The following CCSER2 variants were observed in gnomAD, a reference collection of about 807,000 sequenced individuals.
The protein encoded by CCSER2 is coiled-coil serine rich protein 2.
In CCSER2, 46 loss-of-function variants were observed where a neutral mutation model predicts 92.3. That is an observed-to-expected ratio of 0.50 (90% CI 0.39 to 0.64). The LOEUF is 0.64. Among genes scored for constraint, CCSER2 ranks in the 30% least tolerant of loss-of-function variants. The probability of loss-of-function intolerance (pLI) is 0.00; values close to 1 mark genes in which losing one functional copy is unlikely to be tolerated. For synonymous variants in CCSER2, 433 were observed against 431.4 expected (o/e 1.00, Z -0.04); for missense variants, 1,244 against 1,238.9 (o/e 1.00, Z -0.06).
intron 8 of CCSER2, among the ~76,000 whole-genome samples, chr10:84,471,606 A>G (rs1589756193): frequency 6.6e-6 from 1 of 152,120 alleles, no homozygotes; most frequent in Non-Finnish European, 1.5e-5. Flanking sequence ...TACATTTCAG[A>G]TATTTGAGAG....
At chr10:84,431,648 G>T (rs558388471) in intron 5 of CCSER2, among the ~76,000 whole-genome samples, 121 of 152,026 alleles carry the variant, frequency 8.0e-4, no homozygotes, top group African/African-American at 2.8e-3. Context: ...AGGCTGAGGT[G>T]GGGGGATCAC....
chr10:84,384,347 C>A (rs1193455230), intron 3 of CCSER2, among the ~76,000 whole-genome samples: 5 of 152,128 alleles, frequency 3.3e-5, no homozygotes, highest in African/African-American at 9.7e-5. Flanking sequence ...TGGCCAGTAT[C>A]CTTGATGAAC....
chr10:84,420,928 A>G (rs1028675490), intron 4 of CCSER2, among the ~76,000 whole-genome samples: 10 of 149,878 alleles, frequency 6.7e-5, no homozygotes, highest in African/African-American at 2.2e-4. Flanking sequence ...GCGAGACTCC[A>G]TCTCAAAAAA....
chr10:84,459,786 A>G (rs1845991662), intron 6 of CCSER2, among the ~76,000 whole-genome samples: 1 of 152,136 alleles, frequency 6.6e-6, no homozygotes, highest in Non-Finnish European at 1.5e-5. Flanking sequence ...GGCCACCCAA[A>G]GTACTGGGGT....
intron 1 of CCSER2, among the ~76,000 whole-genome samples, chr10:84,331,130 A>G (rs1313706098): frequency 3.3e-5 from 5 of 152,252 alleles, no homozygotes; most frequent in Admixed American, 1.3e-4. Context: ...TTTTACGGTT[A>G]AACAACTCAG....
chr10:84,330,930 G>A (rs1843531467), intron 1 of CCSER2, among the ~76,000 whole-genome samples: 1 of 152,174 alleles, frequency 6.6e-6, no homozygotes, highest in South Asian at 2.1e-4. Flanking sequence ...GAAAGGGATG[G>A]CGGGGATTAC....
intron 5 of CCSER2, among the ~76,000 whole-genome samples, chr10:84,433,215 A>G (rs1843889064): frequency 6.6e-6 from 1 of 152,202 alleles, no homozygotes; most frequent in African/African-American, 2.4e-5. Context: ...GTTCTAATAA[A>G]GAATTTAGAA....
chr10:84,461,395 C>G (rs190818485), intron 6 of CCSER2, among the ~76,000 whole-genome samples: 1 of 152,234 alleles, frequency 6.6e-6, no homozygotes, highest in Admixed American at 6.5e-5. Flanking sequence ...TTTCTGCCCA[C>G]CCCTATCCTT....
chr10:84,426,552 A>G (rs1271950375), intron 5 of CCSER2, among the ~76,000 whole-genome samples: 2 of 152,210 alleles, frequency 1.3e-5, no homozygotes, highest in African/African-American at 4.8e-5. Context: ...TTTGAGAATC[A>G]GGGATAAAAG....
chr10:84,501,310 AGGCTTGT>A (rs1247726127), intron 9 of CCSER2, among the ~76,000 whole-genome samples: 1 of 152,218 alleles, frequency 6.6e-6, no homozygotes, highest in Non-Finnish European at 1.5e-5. Flanking sequence ...ATATGTTCTT[AGGCTTGT>A]GGCCAGTAAA....
chr10:84,352,608 C>T (rs545286419), intron 1 of CCSER2, among the ~76,000 whole-genome samples: 7 of 152,004 alleles, frequency 4.6e-5, no homozygotes, highest in African/African-American at 9.7e-5. Context: ...CCACCACTGC[C>T]GCCGCCACCA....
chr10:84,490,339 C>T (rs1170058329), intron 9 of CCSER2, among the ~76,000 whole-genome samples: 1 of 152,136 alleles, frequency 6.6e-6, no homozygotes, highest in Non-Finnish European at 1.5e-5. Context: ...GGGTGTTTTC[C>T]AACTTGGTTC....
intron 3 of CCSER2, among the ~76,000 whole-genome samples, chr10:84,388,848 G>T (rs1841366542): frequency 6.6e-6 from 1 of 152,172 alleles, no homozygotes. Context: ...TCTGACAGGA[G>T]GCAGAGCTCA....
chr10:84,480,869 A>G (rs1389830018), intron 9 of CCSER2, among the ~76,000 whole-genome samples: 1 of 152,208 alleles, frequency 6.6e-6, no homozygotes, highest in Non-Finnish European at 1.5e-5. Flanking sequence ...GGTAGTGGTG[A>G]TGGTGGTTGC....
intron 9 of CCSER2, among the ~76,000 whole-genome samples, chr10:84,487,933 A>C (rs934959313): frequency 6.6e-6 from 1 of 152,204 alleles, no homozygotes; most frequent in Non-Finnish European, 1.5e-5. Flanking sequence ...TAATTTATTG[A>C]GAGTTTTTAG....
chr10:84,419,613 A>T (rs910164939), intron 4 of CCSER2, among the ~76,000 whole-genome samples: 1 of 152,220 alleles, frequency 6.6e-6, no homozygotes, highest in Non-Finnish European at 1.5e-5. Flanking sequence ...TGTCTCACAG[A>T]GACAGAGAAT....
chr10:84,462,586 C>T (rs774210695), intron 6 of CCSER2, among the ~76,000 whole-genome samples: 29 of 152,168 alleles, frequency 1.9e-4, no homozygotes, highest in African/African-American at 5.3e-4. Flanking sequence ...AAATGTGTTC[C>T]GAGAATATTG....
Position 84,477,642 on chromosome 10 carries a change from A to C in CCSER2, c.2303A>C (p.Gln768Pro). The C allele has an allele frequency of 6.2e-7, 1 of 1,607,666 alleles. No homozygotes were observed. The highest frequency in any genetic ancestry group is 1.1e-5 in the South Asian group (1 of 90,766). Residue 768 changes from glutamine (Q) to proline (P), a missense_variant, in exon 9 of 10, where the codon CAA becomes CCA. Transcript: ENST00000372088. Reference sequence around the variant, plus strand: ...TGCACTTATGCTGATAAATATACCCAAACACCCTGGAGACGAATTCCTGTA... The same window carrying C: ...TGCACTTATGCTGATAAATATACCCCAACACCCTGGAGACGAATTCCTGTA... Reference protein sequence around the residue: ...EKCTYADKYTQTPWRRIPPQV... With the variant: ...EKCTYADKYTPTPWRRIPPQV...
intron 9 of CCSER2, among the ~76,000 whole-genome samples, chr10:84,499,517 G>A (rs1423233173): frequency 1.3e-5 from 2 of 152,086 alleles, no homozygotes; most frequent in East Asian, 1.9e-4. Context: ...AACACCTAAA[G>A]TCTATCTCCC....
Sources: allele counts gnomAD v4.1 joint callset (sites outside exome capture counted in the v4.1 genomes callset), GRCh38; gene constraint gnomAD v4.1.1; transcripts MANE v1.5; gene names NCBI Gene and HGNC (gene_info 2026-07-23, HGNC 2026-07-21).